The following RAB21 variants were observed in gnomAD, a reference collection of about 807,000 sequenced individuals.
The protein encoded by RAB21 is RAB21, member RAS oncogene family.
Under a neutral mutation model 33.1 loss-of-function variants are expected in RAB21, and 13 were observed. That is an observed-to-expected ratio of 0.39 (90% confidence interval 0.26 to 0.62). The LOEUF (loss-of-function observed/expected upper bound fraction) is 0.62, where lower values mean the gene tolerates loss of function less well. Ranked by LOEUF, RAB21 falls within the 20% of genes least tolerant of loss-of-function variation. RAB21 has a pLI of 0.48. For missense variants in RAB21, 234 were observed against 279.1 expected, an observed-to-expected ratio of 0.84 and a Z score of 1.15; for synonymous variants, 91 against 103.7, an observed-to-expected ratio of 0.88 and a Z score of 0.74.
intron 3 of RAB21, among the ~76,000 whole-genome samples, chr12:71,772,565 A>G (rs1202173994): frequency 6.6e-6 from 1 of 152,150 alleles, no homozygotes; most frequent in Non-Finnish European, 1.5e-5. Flanking sequence ...TGAAATGACT[A>G]ACAAGCTTTT....
intron 2 of RAB21, among the ~76,000 whole-genome samples, chr12:71,770,301 T>A (rs1298361995): frequency 6.6e-6 from 1 of 152,176 alleles, no homozygotes. Context: ...TTGGTTGTTT[T>A]GACCCTCTGG....
intron 1 of RAB21, among the ~76,000 whole-genome samples, chr12:71,758,233 G>T (rs564504069): frequency 2.0e-5 from 3 of 151,646 alleles, no homozygotes; most frequent in Non-Finnish European, 4.4e-5. Context: ...GGATTTTGCC[G>T]TGTTGGCCAG....
Position 71,797,032 on chromosome 12 carries a change from A to G in RAB21, c.*11359A>G, listed in dbSNP as rs542669036. The G allele has an allele frequency of 2.0e-5, 3 of 152,306 alleles. No homozygotes were observed. Among genetic ancestry groups the G allele is most frequent in the Admixed American group, 6.5e-5 (1 of 15,300 alleles). The allele number at this position is 152,306 out of a possible 1,614,324, so 9.4% of individuals were successfully genotyped here. A position where few individuals can be genotyped will look rare whatever the true frequency, so the allele number is the denominator to read the frequency against. ...TGAGCAGATTCAGAATTTAATAGAC[A>G]CTTCGTGTTTCCATTTTCATAATGG... On this transcript the variant is annotated 3_prime_UTR_variant, in exon 7 of 7. Transcript: ENST00000261263.
In RAB21 at chr12:71,773,988, A is replaced by G. The variant is rs1592647247; in HGVS notation, c.357A>G (p.Lys119=). Residue 119 remains lysine, a synonymous_variant, in exon 4 of 7, where the codon AAA becomes AAG. Transcript: ENST00000261263. ...AAAACTGGGTCAAAGAATTACGGAA[A>G]ATGTTGGGAAATGAAATCTGTTTAT... ...KVKNWVKELR[K]MLGNEICLCI... 2 of 1,593,998 alleles carry G rather than the reference A, an allele frequency of 1.3e-6. No individual in the cohort carries two copies. Among genetic ancestry groups the G allele is most frequent in the Non-Finnish European group, 1.7e-6 (2 of 1,170,710 alleles).
Position 71,793,523 on chromosome 12 carries a change from T to G in RAB21, c.*7850T>G, listed in dbSNP as rs1883417208. On this transcript the variant is annotated 3_prime_UTR_variant, in exon 7 of 7. Transcript: ENST00000261263. Reference sequence around the variant, plus strand: ...AGAAAATAGAGCGAAATCATCCGTTTAAACACACACACACAAACTATCCCA... The same window carrying G: ...AGAAAATAGAGCGAAATCATCCGTTGAAACACACACACACAAACTATCCCA... 1 of 152,226 alleles carries G rather than the reference T, an allele frequency of 6.6e-6. No individual in the cohort carries two copies. 9.4% of individuals were successfully genotyped at this position (152,226 alleles called of 1,614,324 possible). A position where few individuals can be genotyped will look rare whatever the true frequency, so the allele number is the denominator to read the frequency against.
intron 1 of RAB21, among the ~76,000 whole-genome samples, chr12:71,763,800 G>A (rs1331935584): frequency 6.6e-6 from 1 of 152,132 alleles, no homozygotes; most frequent in Non-Finnish European, 1.5e-5. Context: ...AACACTTACT[G>A]TCCAAGTGGA....
chr12:71,774,574 C>G (rs1024111688), intron 4 of RAB21, among the ~76,000 whole-genome samples: 8 of 151,874 alleles, frequency 5.3e-5, no homozygotes, highest in African/African-American at 1.9e-4. Flanking sequence ...GCCTGGCCAA[C>G]ATAGTGAAAC....
At chr12:71,757,283 TATTTTTAGTAGAAACGGG>T (rs1882799831) in intron 1 of RAB21, among the ~76,000 whole-genome samples, 1 of 152,164 alleles carries the variant, frequency 6.6e-6, no homozygotes, top group Non-Finnish European at 1.5e-5. Context: ...AATTTTTTTG[TATTTTTAGTAGAAACGGG>T]GTTTCACCAT....
In RAB21 at chr12:71,755,279, C is replaced by T. The variant is rs1027911070; in HGVS notation, c.150C>T (p.Thr50=). 5 of 1,528,526 alleles carry T rather than the reference C, an allele frequency of 3.3e-6. No individual in the cohort carries two copies. The African/African-American group carries it at 5.7e-5, about 18-fold the overall frequency. The allele number at this position is 1,528,526 out of a possible 1,614,324, so 94.7% of individuals were successfully genotyped here. A position where few individuals can be genotyped will look rare whatever the true frequency, so the allele number is the denominator to read the frequency against. Residue 50 remains threonine, a synonymous_variant, in exon 1 of 7, where the codon ACC becomes ACT. Transcript: ENST00000261263. ...ACAAGTTTAACGACAAGCACATCACCACTCTGCAGGTGCGGACCTCGGGGA... is the reference window on the plus strand; with the variant it reads ...ACAAGTTTAACGACAAGCACATCACTACTCTGCAGGTGCGGACCTCGGGGA... ...CENKFNDKHI[T]TLQASFLTKK... is the part of the protein sequence containing the mutation.
At position 71,782,027 on chromosome 12, in the gene RAB21, A is replaced by T. The variant is rs958876369; in HGVS notation, c.392-4A>T. ...AAGATAAATATTTACTTTTTTCAAAATAGGTAATAAAATAGACTTGGAAAA... is the reference window on the plus strand; with the variant it reads ...AAGATAAATATTTACTTTTTTCAAATTAGGTAATAAAATAGACTTGGAAAA... On this transcript the variant is annotated splice_polypyrimidine_tract_variant and splice_region_variant and intron_variant, in intron 4 of 6. Coordinates refer to ENST00000261263, the MANE Select transcript of RAB21 (RefSeq NM_014999.4). The T allele has an allele frequency of 5.7e-6, 9 of 1,589,112 alleles. No individual in the cohort carries two copies. The African/African-American group carries it at 9.4e-5, about 17-fold the overall frequency.
rs879622859 is a variant in RAB21 at position 71,773,889 on chromosome 12, T to C, written c.328-70T>C. On this transcript the variant is annotated intron_variant, in intron 3 of 6. Coordinates refer to ENST00000261263, the MANE Select transcript of RAB21 (RefSeq NM_014999.4). ...TCTGAGGTATTTTGACAGTGTTGAG[T>C]TTTTTGGGTGTTGTGATAGTAGTAA... is the stretch of plus-strand genomic sequence containing the variant. The C allele has an allele frequency of 8.8e-5, 96 of 1,088,934 alleles. No homozygotes were observed. The Middle Eastern group carries it at 1.2e-3, about 13-fold the overall frequency. The allele number at this position is 1,088,934 out of a possible 1,614,324, so 67.5% of individuals were successfully genotyped here. A position where few individuals can be genotyped will look rare whatever the true frequency, so the allele number is the denominator to read the frequency against.
At chr12:71,766,194 A>G (rs917181549) in intron 1 of RAB21, among the ~76,000 whole-genome samples, 1 of 152,184 alleles carries the variant, frequency 6.6e-6, no homozygotes, top group African/African-American at 2.4e-5. Flanking sequence ...AGATGTGCTT[A>G]TCTATAATAA....
At chr12:71,774,088 G>A in intron 4 of RAB21, 66 bp downstream of exon 4, 1 of 1,112,410 alleles carries the variant, frequency 9.0e-7, no homozygotes, top group Admixed American at 2.7e-5. Context: ...TTGAAGACAA[G>A]TAATTTTTGT....
Position 71,792,400 on chromosome 12 carries a change from T to C in RAB21, c.*6727T>C, listed in dbSNP as rs921987298. ...TCCTTAATACACATAAAACTCTGGG[T>C]TGGGCTCATCCTCTTGGTGTATTTT... On this transcript the variant is annotated 3_prime_UTR_variant, in exon 7 of 7. Transcript: ENST00000261263. 1.3e-5 allele frequency: 2 copies of C among 152,064 alleles called. No individual in the cohort carries two copies. The highest frequency in any genetic ancestry group is 4.8e-5 in the African/African-American group (2 of 41,388). 9.4% of individuals were successfully genotyped at this position (152,064 alleles called of 1,614,324 possible). A position where few individuals can be genotyped will look rare whatever the true frequency, so the allele number is the denominator to read the frequency against.
chr12:71,760,643 G>T (rs372528739), intron 1 of RAB21, among the ~76,000 whole-genome samples: 1 of 152,136 alleles, frequency 6.6e-6, no homozygotes, highest in African/African-American at 2.4e-5. Context: ...TTAAAGGATT[G>T]TGCCATTTTG....
At chr12:71,764,993 A>G (rs1291416410) in intron 1 of RAB21, among the ~76,000 whole-genome samples, 2 of 152,172 alleles carry the variant, frequency 1.3e-5, no homozygotes, top group East Asian at 3.8e-4. Context: ...GCTGGATCAA[A>G]TGATAGATCT....
chr12:71,779,663 T>C (rs995647683), intron 4 of RAB21, among the ~76,000 whole-genome samples: 12 of 152,350 alleles, frequency 7.9e-5, no homozygotes, highest in Middle Eastern at 3.4e-3. Flanking sequence ...AATTCAAATA[T>C]GTATTTTTAA....
chr12:71,769,015 A>G (rs745502296), intron 1 of RAB21, among the ~76,000 whole-genome samples: 2 of 152,078 alleles, frequency 1.3e-5, no homozygotes, highest in Non-Finnish European at 2.9e-5. Context: ...CCATCTGTGT[A>G]GTTTCATCTC....
chr12:71,774,546 G>T (rs560672880), intron 4 of RAB21, among the ~76,000 whole-genome samples: 43 of 151,948 alleles, frequency 2.8e-4, no homozygotes, highest in Non-Finnish European at 6.0e-4. Flanking sequence ...ATCATCTGAG[G>T]TCAGGAGTTC....
Sources: allele counts gnomAD v4.1 joint callset (sites outside exome capture counted in the v4.1 genomes callset), GRCh38; gene constraint gnomAD v4.1.1; transcripts MANE v1.5; gene names NCBI Gene and HGNC (gene_info 2026-07-23, HGNC 2026-07-21).